ATF1: variants seen among roughly 807,000 people sequenced by gnomAD.
ATF1 encodes the protein activating transcription factor 1.
In ATF1, 16 loss-of-function variants were observed where a neutral mutation model predicts 34.7. The ratio of observed to expected loss-of-function variants is 0.46; its 90% CI spans 0.31 to 0.70. The LOEUF (loss-of-function observed/expected upper bound fraction) is 0.70. Ranked by LOEUF, ATF1 falls within the 30% of genes least tolerant of loss-of-function variation. The pLI is 0.05. For missense variants in ATF1, 255 were observed against 321.6 expected (o/e 0.79, Z 1.58); for synonymous variants, 105 against 113.1 (o/e 0.93, Z 0.46).
intron 4 of ATF1, among the ~76,000 whole-genome samples, chr12:50,811,535 G>A (rs963290692): frequency 1.3e-5 from 2 of 149,836 alleles, no homozygotes; most frequent in Non-Finnish European, 3.0e-5. Flanking sequence ...CGTAATCTCA[G>A]TACGTTGAGA....
At chr12:50,771,115 C>T (rs572541224) in intron 1 of ATF1, among the ~76,000 whole-genome samples, 9 of 152,184 alleles carry the variant, frequency 5.9e-5, no homozygotes, top group African/African-American at 1.9e-4. Flanking sequence ...AAGTGATTCT[C>T]CTGCCTCAGC....
intron 2 of ATF1, among the ~76,000 whole-genome samples, chr12:50,782,595 A>G (rs924680203): frequency 1.6e-5 from 2 of 123,648 alleles, no homozygotes; most frequent in African/African-American, 6.3e-5. Flanking sequence ...GAGTCTCACT[A>G]TGTTGCCCAG....
chr12:50,799,381 C>A (rs899159413), intron 3 of ATF1, among the ~76,000 whole-genome samples: 3 of 152,088 alleles, frequency 2.0e-5, no homozygotes, highest in African/African-American at 7.2e-5. Flanking sequence ...GAGTCCCTGT[C>A]CCAAATACAC....
intron 1 of ATF1, among the ~76,000 whole-genome samples, chr12:50,765,389 C>CGTT (rs1191775235): frequency 6.6e-6 from 1 of 152,144 alleles, no homozygotes; most frequent in African/African-American, 2.4e-5. Flanking sequence ...TAATACTTGC[C>CGTT]GTTATCTTTT....
At chr12:50,796,666 A>C (rs1396418165) in intron 3 of ATF1, among the ~76,000 whole-genome samples, 2 of 151,886 alleles carry the variant, frequency 1.3e-5, no homozygotes, top group Non-Finnish European at 2.9e-5. Flanking sequence ...GTGCCACTGC[A>C]CTGCAGCCTG....
intron 2 of ATF1, among the ~76,000 whole-genome samples, chr12:50,789,290 A>G (rs147233909): frequency 0.01 from 1,591 of 151,890 alleles, 29 homozygotes; most frequent in African/African-American, 0.037. Flanking sequence ...GCTGGTCTTG[A>G]ACTTCTGACT....
At chr12:50,788,428 T>C (rs1323202499) in intron 2 of ATF1, 1 of 308,512 alleles carries the variant, frequency 3.2e-6, no homozygotes, top group Non-Finnish European at 6.3e-6. Context: ...TCAAATAATC[T>C]GCCCACCTCA....
intron 6 of ATF1, 46 bp from the exon 7 acceptor site, chr12:50,819,589 A>T (rs1941907547): frequency 6.3e-7 from 1 of 1,592,246 alleles, no homozygotes; most frequent in Non-Finnish European, 8.5e-7. Context: ...CCATTTAAAG[A>T]ATGTGAAGTT....
At chr12:50,803,461 G>C (rs534961907) in intron 3 of ATF1, among the ~76,000 whole-genome samples, 25 of 151,156 alleles carry the variant, frequency 1.7e-4, no homozygotes, top group Non-Finnish European at 2.9e-4. Context: ...TGATGATATG[G>C]AGAAATTAAA....
At chr12:50,781,134 A>G (rs769750215) in intron 2 of ATF1, among the ~76,000 whole-genome samples, 1 of 152,170 alleles carries the variant, frequency 6.6e-6, no homozygotes, top group Non-Finnish European at 1.5e-5. Context: ...GACTGGTTCC[A>G]GGACGTCCAC....
intron 3 of ATF1, among the ~76,000 whole-genome samples, chr12:50,797,239 A>G (rs1047457663): frequency 1.3e-5 from 2 of 152,246 alleles, no homozygotes; most frequent in African/African-American, 4.8e-5. Context: ...TTTCCAGGAT[A>G]TGAATTTCTC....
At chr12:50,777,112 C>T (rs1020601134) in intron 1 of ATF1, among the ~76,000 whole-genome samples, 1 of 152,146 alleles carries the variant, frequency 6.6e-6, no homozygotes, top group South Asian at 2.1e-4. Context: ...CCTCGGCCTC[C>T]CAAAATGCTG....
chr12:50,768,671 AAAAT>A (rs1160795850), intron 1 of ATF1, among the ~76,000 whole-genome samples: 1 of 65,486 alleles, frequency 1.5e-5, no homozygotes, highest in Non-Finnish European at 3.9e-5. Flanking sequence ...AGCTTAAACA[AAAAT>A]AAACATTTAA....
chr12:50,815,890 A>G (rs1016716305), intron 6 of ATF1, among the ~76,000 whole-genome samples: 6 of 152,232 alleles, frequency 3.9e-5, no homozygotes, highest in South Asian at 2.1e-4. Flanking sequence ...GGATAAATGG[A>G]TAAGAAAGAA....
intron 2 of ATF1, among the ~76,000 whole-genome samples, chr12:50,781,481 C>T (rs1254507626): frequency 1.3e-5 from 2 of 152,028 alleles, no homozygotes; most frequent in Non-Finnish European, 2.9e-5. Context: ...GGCAGGGTTT[C>T]GCTCTGTCGC....
At chr12:50,814,541 C>A in intron 6 of ATF1, 102 bp downstream of exon 6, 1 of 1,265,498 alleles carries the variant, frequency 7.9e-7, no homozygotes, top group Non-Finnish European at 1.1e-6. Flanking sequence ...GGCTGCATGA[C>A]AATGTTTAAG....
At chr12:50,769,182 T>C (rs1018481637) in intron 1 of ATF1, among the ~76,000 whole-genome samples, 9 of 152,134 alleles carry the variant, frequency 5.9e-5, no homozygotes, top group Non-Finnish European at 1.0e-4. Context: ...CATGGAAATG[T>C]GGGGTTTTTT....
At chr12:50,783,515 G>A (rs866970065) in intron 2 of ATF1, among the ~76,000 whole-genome samples, 3 of 152,082 alleles carry the variant, frequency 2.0e-5, no homozygotes, top group Middle Eastern at 6.3e-3. Context: ...GCATATTTAC[G>A]GTGAAGTGGA....
At chr12:50,793,973 G>A (rs9739885) in intron 2 of ATF1, among the ~76,000 whole-genome samples, 2,950 of 151,230 alleles carry the variant, frequency 0.02, 116 homozygotes, top group African/African-American at 0.068. Context: ...TTTTTTGAGC[G>A]GGAGCCTCGC....
Sources: allele counts gnomAD v4.1 joint callset (sites outside exome capture counted in the v4.1 genomes callset), GRCh38; gene constraint gnomAD v4.1.1; transcripts MANE v1.5; gene names NCBI Gene and HGNC (gene_info 2026-07-23, HGNC 2026-07-21).